The following DARS2 variants were observed in gnomAD, a reference collection of about 807,000 sequenced individuals.
DARS2 encodes aspartyl-tRNA synthetase 2, mitochondrial.
DARS2 carries 63 observed loss-of-function variants against 83.0 expected under a neutral mutation model. The ratio of observed to expected loss-of-function variants is 0.76; its 90% confidence interval spans 0.62 to 0.94. DARS2 has a LOEUF of 0.94. Ranked by LOEUF, DARS2 falls within the 40% of genes least tolerant of loss-of-function variation. The probability of loss-of-function intolerance (pLI) is 0.00; values close to 1 mark genes in which losing one functional copy is unlikely to be tolerated. For synonymous variants in DARS2, 250 were observed against 269.3 expected (o/e 0.93, Z 0.70); for missense variants, 675 against 774.4 (o/e 0.87, Z 1.52).
intron 2 of DARS2, among the ~76,000 whole-genome samples, chr1:173,827,614 GA>G (rs1304437552): frequency 2.6e-5 from 4 of 151,850 alleles, no homozygotes; most frequent in Non-Finnish European, 5.9e-5. Context: ...CTGGGCAACA[GA>G]ACGAGACTCC....
Position 173,825,000 on chromosome 1 carries a change from G to T in DARS2, c.-230G>T. On this transcript the variant is annotated 5_prime_UTR_variant, in exon 1 of 17. Coordinates refer to ENST00000649689, the MANE Select transcript of DARS2 (RefSeq NM_018122.5). ...GCAGACTGATGCTTTAAGACTCAGG[G>T]AGAGGTCTTTCCCTTATCTCCACCC... The T allele has an allele frequency of 2.2e-6, 1 of 463,876 alleles. No homozygotes were observed. 28.7% of individuals were successfully genotyped at this position (463,876 alleles called of 1,614,324 possible). A position where few individuals can be genotyped will look rare whatever the true frequency, so the allele number is the denominator to read the frequency against.
chr1:173,834,277 A>C (rs986599616), intron 6 of DARS2, among the ~76,000 whole-genome samples, 196 bp from the exon 7 acceptor site: 11 of 152,240 alleles, frequency 7.2e-5, no homozygotes, highest in African/African-American at 2.7e-4. Context: ...TGCTTTATGA[A>C]CAGAATAGTA....
chr1:173,842,284 C>CTTTTT (rs1178547914), intron 11 of DARS2, among the ~76,000 whole-genome samples: 3,915 of 64,182 alleles, frequency 0.061, 966 homozygotes, highest in Non-Finnish European at 0.083. Context: ...TCATTACTTT[C>CTTTTT]TTTTTTTTTT....
At chr1:173,825,422 T>A in intron 1 of DARS2, 66 bp downstream of exon 1, 1 of 1,421,640 alleles carries the variant, frequency 7.0e-7, no homozygotes, top group Non-Finnish European at 9.5e-7. Context: ...GCCGGAGAGC[T>A]TTTATTCCAT....
chr1:173,857,698 C>G lies in DARS2; in HGVS notation c.1931C>G (p.Ala644Gly), dbSNP rs1653905508. ...SKPTDSKAER[A>G]H is the part of the protein sequence containing the mutation. Reference sequence around the variant, plus strand: ...CCAACAGACTCCAAAGCAGAAAGAGCTCATTGAATCATGCATACCATGCAG... The same window carrying G: ...CCAACAGACTCCAAAGCAGAAAGAGGTCATTGAATCATGCATACCATGCAG... Residue 644 changes from alanine (A) to glycine (G), a missense_variant, in exon 17 of 17, where the codon GCT becomes GGT. By Grantham distance (60) the Ala-to-Gly change is moderately conservative. Transcript: ENST00000649689. 1 of 1,614,030 alleles carries G rather than the reference C, an allele frequency of 6.2e-7. No individual in the cohort carries two copies. The highest frequency in any genetic ancestry group is 1.3e-5 in the African/African-American group (1 of 74,934).
Position 173,830,769 on chromosome 1 carries a change from G to C in DARS2, c.396+8G>C. Reference sequence around the variant, plus strand: ...GCAGGACAAGAGAATCCAGTAGGTAGTTTCGAAGATATCTGTGTAATTTTT... The same window carrying C: ...GCAGGACAAGAGAATCCAGTAGGTACTTTCGAAGATATCTGTGTAATTTTT... On this transcript the variant is annotated splice_region_variant and intron_variant, in intron 4 of 16. Coordinates refer to ENST00000649689, the MANE Select transcript of DARS2 (RefSeq NM_018122.5). The C allele has an allele frequency of 6.2e-7, 1 of 1,610,018 alleles. No individual in the cohort carries two copies. The highest frequency in any genetic ancestry group is 8.5e-7 in the Non-Finnish European group (1 of 1,176,304).
chr1:173,833,478 G>A lies in DARS2; in HGVS notation c.595G>A (p.Glu199Lys). ...GTCCCAGATGGTCATGAAAATGCGG[G>A]AATATCTCTGTAATCTGCATGGTAA... Reference protein sequence around the residue: ...LRSQMVMKMREYLCNLHGFVD... With the variant: ...LRSQMVMKMRKYLCNLHGFVD... Residue 199 changes from glutamate to lysine, a missense_variant, in exon 6 of 17, where the codon GAA becomes AAA. Coordinates refer to ENST00000649689, the MANE Select transcript of DARS2 (RefSeq NM_018122.5). The A allele has an allele frequency of 3.1e-6, 5 of 1,614,154 alleles. No homozygotes were observed. Among genetic ancestry groups the A allele is most frequent in the Non-Finnish European group, 4.2e-6 (5 of 1,180,026 alleles).
intron 7 of DARS2, among the ~76,000 whole-genome samples, 170 bp downstream of exon 7, chr1:173,834,689 A>G (rs556052234): frequency 2.9e-5 from 4 of 136,980 alleles, no homozygotes; most frequent in African/African-American, 1.2e-4. Context: ...TTGAGTCAGA[A>G]TCATTTTATT....
At chr1:173,833,986 T>C (rs1652887989) in intron 6 of DARS2, among the ~76,000 whole-genome samples, 1 of 152,104 alleles carries the variant, frequency 6.6e-6, no homozygotes, top group Non-Finnish European at 1.5e-5. Context: ...GGTCTCAAAC[T>C]TCTGGGTTTA....
At chr1:173,851,614 A>G (rs1439791795) in intron 13 of DARS2, among the ~76,000 whole-genome samples, 2 of 152,322 alleles carry the variant, frequency 1.3e-5, no homozygotes, top group East Asian at 1.9e-4. Context: ...TTCAGGGGAT[A>G]TGGAAGACTG....
intron 16 of DARS2, 122 bp from the exon 17 acceptor site, chr1:173,857,396 G>T: frequency 1.0e-6 from 1 of 960,088 alleles, no homozygotes; most frequent in Non-Finnish European, 1.6e-6. Flanking sequence ...AGGGAACGAT[G>T]GTTGGCTACA....
intron 12 of DARS2, 52 bp from the exon 13 acceptor site, chr1:173,850,275 C>G: frequency 6.7e-7 from 1 of 1,496,008 alleles, no homozygotes; most frequent in Non-Finnish European, 9.0e-7. Context: ...TAAATTAATC[C>G]CACTGTTCAA....
chr1:173,857,827 C>A lies in DARS2; in HGVS notation c.*122C>A. 2 of 1,019,500 alleles carry A rather than the reference C, an allele frequency of 2.0e-6. No individual in the cohort carries two copies. Among genetic ancestry groups the A allele is most frequent in the South Asian group, 1.4e-5 (1 of 73,934 alleles). 63.2% of individuals were successfully genotyped at this position (1,019,500 alleles called of 1,614,324 possible). A position where few individuals can be genotyped will look rare whatever the true frequency, so the allele number is the denominator to read the frequency against. On this transcript the variant is annotated 3_prime_UTR_variant, in exon 17 of 17. Transcript: ENST00000649689. ...AATCAAGTCTTTAGATGGAAGGAAT[C>A]CAGGCAACATTCTTCACCACAACGA... is the stretch of plus-strand genomic sequence containing the variant.
At chr1:173,834,074 T>C (rs1323240457) in intron 6 of DARS2, among the ~76,000 whole-genome samples, 1 of 152,216 alleles carries the variant, frequency 6.6e-6, no homozygotes, top group Non-Finnish European at 1.5e-5. Flanking sequence ...TTTTCTTAAT[T>C]CTTTATCATG....
chr1:173,852,127 A>T (rs1653692837), intron 13 of DARS2: 1 of 985,326 alleles, frequency 1.0e-6, no homozygotes, highest in Non-Finnish European at 1.2e-6. Flanking sequence ...CATTCTGAAA[A>T]TGTCACAATG....
chr1:173,853,759 A>C (rs755020523), intron 14 of DARS2, 36 bp from the exon 15 acceptor site: 1 of 1,588,578 alleles, frequency 6.3e-7, no homozygotes, highest in South Asian at 1.1e-5. Context: ...AAAACCAGAC[A>C]TTTTCTCTAA....
chr1:173,855,215 T>C (rs1653816732), intron 15 of DARS2, among the ~76,000 whole-genome samples: 2 of 151,912 alleles, frequency 1.3e-5, no homozygotes, highest in Non-Finnish European at 2.9e-5. Context: ...GCAATTCTTC[T>C]GCCTCAGCCT....
intron 15 of DARS2, 79 bp downstream of exon 15, chr1:173,853,984 CTTGT>C (rs932961428): frequency 3.9e-5 from 51 of 1,302,066 alleles, no homozygotes; most frequent in African/African-American, 3.8e-4. Flanking sequence ...TTGTTGTTTG[CTTGT>C]TTGTTTTGTT....
chr1:173,851,653 T>C (rs1384948790), intron 13 of DARS2, among the ~76,000 whole-genome samples: 1 of 152,198 alleles, frequency 6.6e-6, no homozygotes, highest in Non-Finnish European at 1.5e-5. Context: ...TTGTAAAATA[T>C]AGAAAAGTAT....
Sources: allele counts gnomAD v4.1 joint callset (sites outside exome capture counted in the v4.1 genomes callset), GRCh38; gene constraint gnomAD v4.1.1; transcripts MANE v1.5; gene names NCBI Gene and HGNC (gene_info 2026-07-23, HGNC 2026-07-21).